The following SLC25A48 variants were observed in gnomAD, a reference collection of about 807,000 sequenced individuals.
The protein encoded by SLC25A48 is solute carrier family 25 member 48.
In SLC25A48, 29 loss-of-function variants were observed where a neutral mutation model predicts 32.2. The observed-to-expected ratio is 0.90, with a 90% confidence interval of 0.67 to 1.23. The LOEUF is 1.23. Among genes scored for constraint, SLC25A48 ranks in the 50% most tolerant of loss-of-function variants. The pLI is 0.00. For missense variants in SLC25A48, 399 were observed against 422.7 expected (o/e 0.94, Z 0.49); for synonymous variants, 164 against 172.3 (o/e 0.95, Z 0.38).
chr5:135,689,046 G>A (rs371639513), intron 3 of SLC25A48, among the ~76,000 whole-genome samples: 11 of 152,258 alleles, frequency 7.2e-5, no homozygotes, highest in Middle Eastern at 3.4e-3. Flanking sequence ...TAATTAATAA[G>A]ATCAAGGCTA....
chr5:135,849,001 G>C (rs1357832724), intron 2 of SLC25A48, among the ~76,000 whole-genome samples: 1 of 152,158 alleles, frequency 6.6e-6, no homozygotes, highest in East Asian at 1.9e-4. Flanking sequence ...TTGTTTTTGA[G>C]AGAATTTATT....
At position 135,638,112 on chromosome 5, in the gene SLC25A48, G is replaced by C. The variant is rs2521968; in HGVS notation, c.-521+3156G>C. Reference sequence around the variant, plus strand: ...CCTGGTCTTAGCTATTAACATATTCGCTGCAATTGTGTTTTGAAGCTGTAT... The same window carrying C: ...CCTGGTCTTAGCTATTAACATATTCCCTGCAATTGTGTTTTGAAGCTGTAT... On this transcript the variant is annotated intron_variant, in intron 3 of 10. Transcript: ENST00000646290. Among the ~76,000 whole-genome samples the C allele has an allele frequency of 9.9e-5, 15 of 151,906 alleles. 1 individual carries two copies. Among genetic ancestry groups the C allele is most frequent in the African/African-American group, 3.6e-4 (15 of 41,328 alleles).
intron 3 of SLC25A48, among the ~76,000 whole-genome samples, chr5:135,780,940 T>A (rs1164241696): frequency 8.6e-6 from 1 of 116,384 alleles, no homozygotes; most frequent in East Asian, 2.1e-4. Flanking sequence ...TTTTTAATAT[T>A]CAGGGTAAGA....
At chr5:135,820,018 TTTC>T (rs1376306638) in intron 4 of SLC25A48, among the ~76,000 whole-genome samples, 3 of 152,110 alleles carry the variant, frequency 2.0e-5, no homozygotes, top group African/African-American at 7.2e-5. Context: ...AGTTTGGCAG[TTTC>T]TTATTTAGTT....
chr5:135,812,874 G>C (rs777533715), exon 4 of SLC25A48: 1 of 152,300 alleles, frequency 6.6e-6, no homozygotes, highest in Non-Finnish European at 1.5e-5. Flanking sequence ...TCTGTGTCAA[G>C]AGTGAATGAA....
chr5:135,763,857 G>A (rs1333112675), intron 3 of SLC25A48, among the ~76,000 whole-genome samples: 1 of 152,002 alleles, frequency 6.6e-6, no homozygotes, highest in African/African-American at 2.4e-5. Context: ...GTCTCAATTT[G>A]TGTCACTCAA....
intron 3 of SLC25A48, among the ~76,000 whole-genome samples, chr5:135,705,139 T>A (rs560624995): frequency 1.3e-5 from 2 of 152,366 alleles, no homozygotes; most frequent in South Asian, 4.1e-4. Context: ...CCGTCCTCCC[T>A]GCGGGCCTGT....
chr5:135,697,294 A>ATGCCCTTC (rs879649036), intron 3 of SLC25A48, among the ~76,000 whole-genome samples: 1 of 151,684 alleles, frequency 6.6e-6, no homozygotes, highest in East Asian at 1.9e-4. Context: ...GAGAGAGGCA[A>ATGCCCTTC]CACAGAGGCT....
At position 135,600,859 on chromosome 5, in the gene SLC25A48, T is replaced by G. The variant is rs1242343366; in HGVS notation, c.-849+21262T>G. 2.0e-5 allele frequency among the ~76,000 whole-genome samples: 3 copies of G among 151,008 alleles called. No individual in the cohort carries two copies. The East Asian group carries it at 5.8e-4, about 29-fold the overall frequency. ...CACCATGCCCGGGTATTTTTTTTTT[T>G]TTTTGTATTTTTAGTAGAGACAGGG... is the stretch of plus-strand genomic sequence containing the variant. On this transcript the variant is annotated intron_variant, in intron 1 of 10. Coordinates refer to the SLC25A48 transcript ENST00000646290.
intron 3 of SLC25A48, among the ~76,000 whole-genome samples, chr5:135,662,490 C>T (rs1336920167): frequency 6.6e-6 from 1 of 152,174 alleles, no homozygotes; most frequent in Non-Finnish European, 1.5e-5. Flanking sequence ...GGTGCAACTC[C>T]TGCTAGCCCC....
At chr5:135,715,260 T>C (rs1315647573) in intron 3 of SLC25A48, among the ~76,000 whole-genome samples, 1 of 152,232 alleles carries the variant, frequency 6.6e-6, no homozygotes, top group Non-Finnish European at 1.5e-5. Flanking sequence ...CTGGGGTTTC[T>C]GGTGCAGAAG....
chr5:135,877,612 C>T (rs995597784), intron 6 of SLC25A48, among the ~76,000 whole-genome samples: 3 of 152,170 alleles, frequency 2.0e-5, no homozygotes, highest in East Asian at 1.9e-4. Context: ...CTACTCTGGG[C>T]GAAGCGCTCG....
At chr5:135,644,485 C>A (rs991020063) in intron 3 of SLC25A48, among the ~76,000 whole-genome samples, 2 of 152,148 alleles carry the variant, frequency 1.3e-5, no homozygotes, top group Non-Finnish European at 2.9e-5. Flanking sequence ...GCAGTGCCAC[C>A]TGCTAATATT....
Position 135,880,076 on chromosome 5 carries a change from G to C in SLC25A48, c.922G>C (p.Val308Leu). 1 of 1,536,094 alleles carries C rather than the reference G, an allele frequency of 6.5e-7. No individual in the cohort carries two copies. The highest frequency in any genetic ancestry group is 1.2e-5 in the South Asian group (1 of 84,056). The change falls in exon 7 of 8, where the codon GTG becomes CTG. Residue 308 changes from valine to leucine, a missense_variant. Coordinates refer to ENST00000681962, the MANE Select transcript of SLC25A48 (RefSeq NM_001349336.2). The stretch of plus-strand genomic sequence containing the variant: ...GCAGGCTATCCGCGGGGACCACGCA[G>C]TGACGAGCCCATAAGCGCCAGGTCA... The part of the protein sequence containing the change: ...SLQAIRGDHA[V>L]TSP
At chr5:135,838,512 G>A (rs749781901) in intron 1 of SLC25A48, among the ~76,000 whole-genome samples, 1 of 152,244 alleles carries the variant, frequency 6.6e-6, no homozygotes, top group Non-Finnish European at 1.5e-5. Context: ...TGCAGGGCAT[G>A]TCAGAGACCT....
chr5:135,701,623 A>T (rs1056576055), intron 3 of SLC25A48, among the ~76,000 whole-genome samples: 1 of 152,248 alleles, frequency 6.6e-6, no homozygotes, highest in African/African-American at 2.4e-5. Context: ...GACAGGCCCC[A>T]AAACTCTTGG....
At chr5:135,690,865 C>T (rs1042270401) in intron 3 of SLC25A48, among the ~76,000 whole-genome samples, 1 of 152,120 alleles carries the variant, frequency 6.6e-6, no homozygotes, top group African/African-American at 2.4e-5. Context: ...GTGAGCTCCT[C>T]TGGGAGAGAC....
intron 3 of SLC25A48, among the ~76,000 whole-genome samples, chr5:135,723,380 T>TCTCA (rs1356362581): frequency 1.3e-4 from 14 of 111,766 alleles, no homozygotes; most frequent in South Asian, 6.1e-4. Context: ...TCTCTCTCTC[T>TCTCA]CACACACACA....
chr5:135,778,576 GATA>G (rs1388409274), intron 3 of SLC25A48, among the ~76,000 whole-genome samples: 1 of 150,924 alleles, frequency 6.6e-6, no homozygotes, highest in Non-Finnish European at 1.5e-5. Flanking sequence ...AAGGAGACAG[GATA>G]ATATAACTCC....
Sources: gnomAD v4.1 joint callset for allele counts (sites outside exome capture counted in the v4.1 genomes callset) on GRCh38, gnomAD v4.1.1 for gene constraint, MANE v1.5 for transcripts, NCBI Gene and HGNC (gene_info 2026-07-23, HGNC 2026-07-21) for gene names.